The following COLGALT2 variants were observed in gnomAD, a reference collection of about 807,000 sequenced individuals.
COLGALT2 encodes collagen beta(1-O)galactosyltransferase 2, also known as procollagen galactosyltransferase 2.
COLGALT2 carries 49 observed loss-of-function variants against 73.4 expected under a neutral mutation model. That is an observed-to-expected ratio of 0.67 (90% CI 0.53 to 0.85). The LOEUF is 0.85. COLGALT2 is among the 40% of genes least tolerant of loss of function. COLGALT2 has a pLI of 0.00. For synonymous variants in COLGALT2, 295 were observed against 307.6 expected (o/e 0.96, Z 0.43); for missense variants, 722 against 790.2 (o/e 0.91, Z 1.03).
rs943157901 is a variant in COLGALT2 at position 184,027,438 on chromosome 1, C to A, written c.263+9657G>T. ...CTGATGAATGTGACTGAAATGGGCC[C>A]CAGAAATCCATGTATCTAACAAATG... On this transcript the variant is annotated intron_variant, in intron 1 of 11. Coordinates refer to ENST00000361927, the MANE Select transcript of COLGALT2 (RefSeq NM_015101.4). Among the ~76,000 whole-genome samples, 3 of 152,162 alleles carry A rather than the reference C, an allele frequency of 2.0e-5. No individual in the cohort carries two copies. The South Asian group carries it at 6.2e-4, about 31-fold the overall frequency.
chr1:183,971,443 T>C (rs533697500), intron 4 of COLGALT2, among the ~76,000 whole-genome samples: 1 of 152,302 alleles, frequency 6.6e-6, no homozygotes, highest in Non-Finnish European at 1.5e-5. Flanking sequence ...ATAATACAAA[T>C]TTGTAGGCTG....
intron 1 of COLGALT2, among the ~76,000 whole-genome samples, chr1:184,031,497 T>C (rs754611707): frequency 2.6e-5 from 4 of 152,204 alleles, no homozygotes; most frequent in Non-Finnish European, 5.9e-5. Context: ...TGACAATTCT[T>C]ATTTGAAAGA....
chr1:184,024,850 A>G lies in COLGALT2; in HGVS notation c.263+12245T>C, dbSNP rs528607055. On this transcript the variant is annotated intron_variant, in intron 1 of 11. Coordinates refer to ENST00000361927, the MANE Select transcript of COLGALT2 (RefSeq NM_015101.4). The stretch of plus-strand genomic sequence containing the variant: ...CCATGCATAGACAACTGATAGTTCT[A>G]CTACTGCTGTTATTTTGATAAGATG... 2.6e-5 allele frequency among the ~76,000 whole-genome samples: 4 copies of G among 152,238 alleles called. No homozygotes were observed. In the East Asian group the frequency reaches 5.8e-4, roughly 22 times the overall value.
intron 1 of COLGALT2, among the ~76,000 whole-genome samples, chr1:184,029,623 C>A (rs1014325772): frequency 6.6e-6 from 1 of 152,228 alleles, no homozygotes; most frequent in African/African-American, 2.4e-5. Flanking sequence ...GGTTACATGG[C>A]ATGTTTTGTC....
At chr1:183,942,969 CGTGGACATCAA>C (rs974093686) in intron 10 of COLGALT2, among the ~76,000 whole-genome samples, 2 of 152,212 alleles carry the variant, frequency 1.3e-5, no homozygotes, top group African/African-American at 4.8e-5. Flanking sequence ...ATACAAGTCA[CGTGGACATCAA>C]GTAGCTTCCA....
chr1:183,974,022 T>A (rs1444538295), intron 3 of COLGALT2, among the ~76,000 whole-genome samples: 1 of 152,206 alleles, frequency 6.6e-6, no homozygotes, highest in African/African-American at 2.4e-5. Context: ...GGAACCAACC[T>A]ACACTTTGGC....
intron 1 of COLGALT2, among the ~76,000 whole-genome samples, chr1:183,994,908 G>C (rs1253371924): frequency 6.6e-6 from 1 of 152,126 alleles, no homozygotes; most frequent in Non-Finnish European, 1.5e-5. Flanking sequence ...AAAGCCAAAT[G>C]TATTTGACTA....
At chr1:183,931,030 G>A (rs1454887033), downstream of COLGALT2, among the ~76,000 whole-genome samples, 1 of 152,204 alleles carries the variant, frequency 6.6e-6, no homozygotes, top group Non-Finnish European at 1.5e-5. Flanking sequence ...TCCAATGTAT[G>A]TAATGTTTTC....
chr1:183,940,898 G>T, intron 10 of COLGALT2, 111 bp from the exon 11 acceptor site: 2 of 922,434 alleles, frequency 2.2e-6, no homozygotes, highest in African/African-American at 1.6e-5. Flanking sequence ...GACTGACTCT[G>T]TCTGTCATTA....
At chr1:184,014,345 AC>A (rs1648930337) in intron 1 of COLGALT2, among the ~76,000 whole-genome samples, 2 of 152,190 alleles carry the variant, frequency 1.3e-5, no homozygotes, top group African/African-American at 4.8e-5. Flanking sequence ...AAAAAAGGAA[AC>A]TGGTCCACAT....
intron 1 of COLGALT2, among the ~76,000 whole-genome samples, chr1:184,009,156 C>T (rs535305924): frequency 6.6e-6 from 1 of 152,256 alleles, no homozygotes; most frequent in African/African-American, 2.4e-5. Flanking sequence ...AACTTCAGTG[C>T]TATGAGTTCT....
intron 1 of COLGALT2, among the ~76,000 whole-genome samples, chr1:184,012,025 T>C (rs575242462): frequency 7.5e-4 from 114 of 152,298 alleles, no homozygotes; most frequent in African/African-American, 2.7e-3. Context: ...TCCTTTCTCA[T>C]GCCTGTTGAG....
intron 8 of COLGALT2, among the ~76,000 whole-genome samples, chr1:183,947,281 A>G (rs931582974): frequency 3.9e-5 from 6 of 152,212 alleles, no homozygotes; most frequent in African/African-American, 1.4e-4. Context: ...CCACCCAACA[A>G]TAGCCAAATA....
chr1:183,936,107 C>A lies in COLGALT2; in HGVS notation c.*2654G>T. ...CTGTCCAGAAGATCCCACGTTAGATCCCAAGAGAAATCCAGACAGGGTTTA... is the reference window on the plus strand; with the variant it reads ...CTGTCCAGAAGATCCCACGTTAGATACCAAGAGAAATCCAGACAGGGTTTA... On this transcript the variant is annotated 3_prime_UTR_variant, in exon 12 of 12. Transcript: ENST00000361927. 1 of 985,648 alleles carries A rather than the reference C, an allele frequency of 1.0e-6. No homozygotes were observed. 61.1% of individuals were successfully genotyped at this position (985,648 alleles called of 1,614,324 possible).
At chr1:183,949,610 T>C (rs114944677) in intron 8 of COLGALT2, among the ~76,000 whole-genome samples, 212 of 152,236 alleles carry the variant, frequency 1.4e-3, no homozygotes, top group African/African-American at 4.9e-3. Context: ...ATGTAATAGA[T>C]AAAACTGTAG....
intron 7 of COLGALT2, among the ~76,000 whole-genome samples, chr1:183,953,862 G>A (rs1009873677): frequency 1.3e-5 from 2 of 152,174 alleles, no homozygotes; most frequent in Non-Finnish European, 2.9e-5. Flanking sequence ...TGAGAAGGCT[G>A]TACTCTGGGG....
intron 1 of COLGALT2, among the ~76,000 whole-genome samples, chr1:184,029,327 A>G (rs1291411461): frequency 6.6e-6 from 1 of 152,224 alleles, no homozygotes; most frequent in Non-Finnish European, 1.5e-5. Flanking sequence ...TTTTACCACT[A>G]GGTCACTCGC....
intron 8 of COLGALT2, chr1:183,946,608 A>C (rs1226370435): frequency 6.6e-6 from 1 of 152,260 alleles, no homozygotes; most frequent in Non-Finnish European, 1.5e-5. Flanking sequence ...TGAAAGTAAA[A>C]GAATAGAAAA....
intron 1 of COLGALT2, among the ~76,000 whole-genome samples, chr1:184,018,610 A>T (rs560325951): frequency 6.6e-6 from 1 of 152,162 alleles, no homozygotes; most frequent in Non-Finnish European, 1.5e-5. Flanking sequence ...AACACTATAA[A>T]CTTTTTTCAG....
Sources: gnomAD v4.1 joint callset for allele counts (sites outside exome capture counted in the v4.1 genomes callset) on GRCh38, gnomAD v4.1.1 for gene constraint, MANE v1.5 for transcripts, NCBI Gene and HGNC (gene_info 2026-07-23, HGNC 2026-07-21) for gene names.